B3GALT9: variants seen among roughly 807,000 people sequenced by gnomAD.
B3GALT9 encodes beta-1,3-galactosyltransferase 9.
Position 120,799,160 on chromosome 9 carries a change from C to T in B3GALT9, c.592C>T (p.Leu198Phe). ...TCTACCAAGCTTGGTAGACTATCTT[C>T]TCAATCTGAAAGAACACCTAGAAGA... The part of the protein sequence containing the change: ...VNLPSLVDYL[L>F]NLKEHLEDIY... The change falls in exon 3 of 3, where the codon CTC (leucine) becomes TTC (phenylalanine). Residue 198 changes from leucine (L) to phenylalanine (F), a missense_variant. Transcript: ENST00000689072. 1 of 398,954 alleles carries T rather than the reference C, an allele frequency of 2.5e-6. No individual in the cohort carries two copies. Among genetic ancestry groups the T allele is most frequent in the Non-Finnish European group, 4.4e-6 (1 of 226,072 alleles). The allele number at this position is 398,954 out of a possible 1,614,324, so 24.7% of individuals were successfully genotyped here.
rs2044954606 is a variant in B3GALT9 at position 120,798,912 on chromosome 9, G to A, written c.344G>A (p.Gly115Glu). The change falls in exon 3 of 3, where the codon GGG (glycine) becomes GAG (glutamate). Residue 115 changes from glycine to glutamate, a missense_variant. Gly to Glu is a moderately conservative substitution (Grantham distance 98). Coordinates refer to ENST00000689072, the MANE Select transcript of B3GALT9 (RefSeq NM_001386823.1). ...TGGGGCAATGTGACCAGTGTCCAAG[G>A]GCATCCCATTCTCACACTGTTTGCT... is the stretch of plus-strand genomic sequence containing the variant. ...KTWGNVTSVQ[G>E]HPILTLFALG... The A allele has an allele frequency of 2.5e-6, 1 of 398,924 alleles. No homozygotes were observed. Among genetic ancestry groups the A allele is most frequent in the African/African-American group, 2.1e-5 (1 of 48,678 alleles). The allele number at this position is 398,924 out of a possible 1,614,324, so 24.7% of individuals were successfully genotyped here.
At chr9:120,794,506 TTG>T (rs10589412) in intron 1 of B3GALT9, among the ~76,000 whole-genome samples, 30,433 of 141,844 alleles carry the variant, frequency 0.21, 3,298 homozygotes, top group East Asian at 0.35. Context: ...GCCCAGCTAG[TTG>T]TGTGTGTGTG....
intron 1 of B3GALT9, among the ~76,000 whole-genome samples, chr9:120,795,697 G>C (rs1041551207): frequency 1.3e-5 from 2 of 152,178 alleles, no homozygotes; most frequent in African/African-American, 4.8e-5. Context: ...CAACATGTTG[G>C]ATGTTGAAGG....
rs34598368 is a variant in B3GALT9 at position 120,800,116 on chromosome 9, ATTT to A, written c.*453_*455del. Among the ~76,000 whole-genome samples the A allele has an allele frequency of 8.1e-6, 1 of 122,856 alleles. No homozygotes were observed. 80.6% of individuals were successfully genotyped at this position (122,856 alleles called of 152,430 possible). On this transcript the variant is annotated 3_prime_UTR_variant, in exon 3 of 3. Transcript: ENST00000689072. The stretch of plus-strand genomic sequence containing the variant: ...AGGCATGTGCCACCATACCCGGCTA[ATTT>A]TTTTTTTTTTTTTTCGGAGACAGAG...
At chr9:120,796,823 G>T (rs909791975) in intron 2 of B3GALT9, among the ~76,000 whole-genome samples, 2 of 152,120 alleles carry the variant, frequency 1.3e-5, no homozygotes, top group African/African-American at 4.8e-5. Flanking sequence ...TTGGGAGGCC[G>T]AGGCAAGCGG....
chr9:120,793,528 G>A lies in B3GALT9; in HGVS notation c.-576G>A, dbSNP rs566720043. On this transcript the variant is annotated 5_prime_UTR_variant, in exon 1 of 3. Transcript: ENST00000689072. Reference sequence around the variant, plus strand: ...GGCTGGAGGCCGGGAGTAGGGGTGGGGAGAAGAGCGTCCCGGGAAGCTGAA... The same window carrying A: ...GGCTGGAGGCCGGGAGTAGGGGTGGAGAGAAGAGCGTCCCGGGAAGCTGAA... 1.6e-4 allele frequency: 63 copies of A among 400,286 alleles called. No individual in the cohort carries two copies. Among genetic ancestry groups the A allele is most frequent in the African/African-American group, 1.1e-3 (52 of 48,758 alleles). 24.8% of individuals were successfully genotyped at this position (400,286 alleles called of 1,614,324 possible).
rs145257201 is a variant in B3GALT9, at chr9:120,799,602, T to C, written c.1034T>C (p.Leu345Pro). ...ETSYELISCKLLTYLDSFKRF... is the reference protein window; with the variant it reads ...ETSYELISCKPLTYLDSFKRF... The stretch of plus-strand genomic sequence containing the variant: ...TCCTATGAGCTCATTTCCTGCAAAC[T>C]TCTGACGTACCTTGACAGCTTTAAA... The change falls in exon 3 of 3, where the codon CTT becomes CCT. Residue 345 changes from leucine (L) to proline (P), a missense_variant. By Grantham distance (98) the Leu-to-Pro change is moderately conservative (BLOSUM62 -3). Coordinates refer to ENST00000689072, the MANE Select transcript of B3GALT9 (RefSeq NM_001386823.1). 5.3e-4 allele frequency: 211 copies of C among 399,666 alleles called. 2 individuals carry two copies. The East Asian group carries it at 7.4e-3, about 14-fold the overall frequency. The allele number at this position is 399,666 out of a possible 1,614,324, so 24.8% of individuals were successfully genotyped here. A position where few individuals can be genotyped will look rare whatever the true frequency, so the allele number is the denominator to read the frequency against.
intron 2 of B3GALT9, among the ~76,000 whole-genome samples, chr9:120,798,132 A>G (rs74933189): frequency 3.2e-3 from 493 of 152,332 alleles, no homozygotes; most frequent in African/African-American, 0.011. Flanking sequence ...TTGTAATTAG[A>G]GAAGAAATGG....
In B3GALT9 at chr9:120,793,719, A is replaced by G. The variant is rs2044908839; in HGVS notation, c.-385A>G. 2.5e-6 allele frequency: 1 copy of G among 398,484 alleles called. No homozygotes were observed. Among genetic ancestry groups the G allele is most frequent in the African/African-American group, 2.1e-5 (1 of 48,604 alleles). 24.7% of individuals were successfully genotyped at this position (398,484 alleles called of 1,614,324 possible). A position where few individuals can be genotyped will look rare whatever the true frequency, so the allele number is the denominator to read the frequency against. On this transcript the variant is annotated 5_prime_UTR_variant, in exon 1 of 3. Transcript: ENST00000689072. ...TCTTATTATCCTCATTTTACGGAGG[A>G]GAGGGAGCTGTGGCTTAGAGAAGTT...
intron 1 of B3GALT9, among the ~76,000 whole-genome samples, chr9:120,794,506 T>TTGTGTGTGTGTGTGTGTG (rs10589412): frequency 1.4e-5 from 2 of 142,062 alleles, no homozygotes; most frequent in East Asian, 2.1e-4. Flanking sequence ...GCCCAGCTAG[T>TTGTGTGTGTGTGTGTGTG]TGTGTGTGTG....
At chr9:120,794,506 TTGTGTGTGTGTGTG>T (rs10589412) in intron 1 of B3GALT9, among the ~76,000 whole-genome samples, 114 of 142,168 alleles carry the variant, frequency 8.0e-4, no homozygotes, top group Middle Eastern at 3.5e-3. Context: ...GCCCAGCTAG[TTGTGTGTGTGTGTG>T]TGTGTGTGTG....
Position 120,799,480 on chromosome 9 carries a change from T to C in B3GALT9, c.912T>C (p.Tyr304=). 2.5e-6 allele frequency: 1 copy of C among 399,538 alleles called. No individual in the cohort carries two copies. Among genetic ancestry groups the C allele is most frequent in the Non-Finnish European group, 4.4e-6 (1 of 226,166 alleles). The allele number at this position is 399,538 out of a possible 1,614,324, so 24.7% of individuals were successfully genotyped here. A position where few individuals can be genotyped will look rare whatever the true frequency, so the allele number is the denominator to read the frequency against. ...ACATTAGATACAACAGATGTTGCTA[T>C]AAGTTCATTTTTACATCCTCAGAAA... The part of the protein sequence containing the change: ...KRHIRYNRCC[Y]KFIFTSSEIA... Residue 304 remains tyrosine, a synonymous_variant, in exon 3 of 3, where the codon TAT becomes TAC. Coordinates refer to ENST00000689072, the MANE Select transcript of B3GALT9 (RefSeq NM_001386823.1).
At chr9:120,794,342 CTT>C (rs113250464) in intron 1 of B3GALT9, among the ~76,000 whole-genome samples, 1 of 144,834 alleles carries the variant, frequency 6.9e-6, no homozygotes. Flanking sequence ...ACAAGTTATC[CTT>C]TTTTTTTTTT....
At position 120,793,631 on chromosome 9, in the gene B3GALT9, G is replaced by T. The variant is rs1330171047; in HGVS notation, c.-473G>T. On this transcript the variant is annotated 5_prime_UTR_variant, in exon 1 of 3. Transcript: ENST00000689072. ...GGTTCCTTTCGTACCGTACATCCAGGTTTGCACAGCGCGCTTATGTCCCTC... is the reference window on the plus strand; with the variant it reads ...GGTTCCTTTCGTACCGTACATCCAGTTTTGCACAGCGCGCTTATGTCCCTC... 2.5e-6 allele frequency: 1 copy of T among 398,762 alleles called. No individual in the cohort carries two copies. Among genetic ancestry groups the T allele is most frequent in the East Asian group, 3.6e-5 (1 of 28,094 alleles). The allele number at this position is 398,762 out of a possible 1,614,324, so 24.7% of individuals were successfully genotyped here. A position where few individuals can be genotyped will look rare whatever the true frequency, so the allele number is the denominator to read the frequency against.
intron 1 of B3GALT9, among the ~76,000 whole-genome samples, chr9:120,794,520 G>A (rs1042512761): frequency 1.5e-4 from 23 of 150,694 alleles, no homozygotes; most frequent in Non-Finnish European, 2.8e-4. Context: ...GTGTGTGTGT[G>A]TGTGTGTGTG....
rs1284669670 is a variant in B3GALT9, at chr9:120,800,462, G to T, written c.*784G>T. ...ATAGAGATGGGGGTTTCATGATGTTGCCCACGCTGGTCTTGAACTCCTGGG... is the reference window on the plus strand; with the variant it reads ...ATAGAGATGGGGGTTTCATGATGTTTCCCACGCTGGTCTTGAACTCCTGGG... On this transcript the variant is annotated 3_prime_UTR_variant, in exon 3 of 3. Transcript: ENST00000689072. Among the ~76,000 whole-genome samples, 1 of 151,008 alleles carries T rather than the reference G, an allele frequency of 6.6e-6. No homozygotes were observed. The highest frequency in any genetic ancestry group is 1.5e-5 in the Non-Finnish European group (1 of 67,710).
At chr9:120,797,266 A>G (rs1418607093) in intron 2 of B3GALT9, among the ~76,000 whole-genome samples, 3 of 151,136 alleles carry the variant, frequency 2.0e-5, no homozygotes. Flanking sequence ...AGCACTTTGG[A>G]AGGCCGAGGC....
At chr9:120,795,295 T>C (rs112121122) in intron 1 of B3GALT9, among the ~76,000 whole-genome samples, 9 of 151,246 alleles carry the variant, frequency 6.0e-5, no homozygotes, top group African/African-American at 2.2e-4. Flanking sequence ...GCAAACATTC[T>C]CAACCCCAGT....
intron 2 of B3GALT9, among the ~76,000 whole-genome samples, chr9:120,797,072 G>A (rs2044943875): frequency 7.9e-6 from 1 of 126,430 alleles, no homozygotes; most frequent in Non-Finnish European, 1.6e-5. Context: ...TAAAGAGAAA[G>A]AGAGAGAGCA....
Sources: allele counts gnomAD v4.1 joint callset (sites outside exome capture counted in the v4.1 genomes callset), GRCh38; gene constraint gnomAD v4.1.1; transcripts MANE v1.5; gene names NCBI Gene and HGNC (gene_info 2026-07-23, HGNC 2026-07-21).